Variants in SERGEF observed in about 807,000 individuals in gnomAD.
SERGEF encodes secretion-regulating guanine nucleotide exchange factor.
Under a neutral mutation model 50.0 loss-of-function variants are expected in SERGEF, and 51 were observed. The ratio of observed to expected loss-of-function variants is 1.02; its 90% confidence interval spans 0.81 to 1.29. The LOEUF is 1.29. Among genes scored for constraint, SERGEF ranks in the 50% most tolerant of loss-of-function variants. SERGEF has a pLI of 0.00. For missense variants in SERGEF, 521 were observed against 557.0 expected, an observed-to-expected ratio of 0.94 and a Z score of 0.65; for synonymous variants, 205 against 212.4, an observed-to-expected ratio of 0.97 and a Z score of 0.30.
intron 10 of SERGEF, among the ~76,000 whole-genome samples, chr11:17,871,338 G>A (rs758180617): frequency 6.6e-6 from 1 of 151,988 alleles, no homozygotes; most frequent in Non-Finnish European, 1.5e-5. Flanking sequence ...GCAGGCGCCT[G>A]TAGTCCCAGC....
At chr11:17,896,886 GGGAAGGGAAGGGAAGGGAA>G in intron 9 of SERGEF, among the ~76,000 whole-genome samples, 1 of 28,858 alleles carries the variant, frequency 3.5e-5, no homozygotes, top group Non-Finnish European at 7.3e-5. Context: ...GGGAAGGGAA[GGGAAGGGAAGGGAAGGGAA>G]GGGAAGGGAA....
At chr11:17,837,360 C>A (rs1220075094) in intron 10 of SERGEF, among the ~76,000 whole-genome samples, 1 of 151,946 alleles carries the variant, frequency 6.6e-6, no homozygotes, top group Non-Finnish European at 1.5e-5. Flanking sequence ...ATTGGAGGTA[C>A]AGGCCTGAAG....
At chr11:17,814,172 CTAGTG>C (rs770414664) in intron 10 of SERGEF, among the ~76,000 whole-genome samples, 2 of 152,174 alleles carry the variant, frequency 1.3e-5, no homozygotes, top group African/African-American at 2.4e-5. Context: ...TGATCAAACA[CTAGTG>C]TAGATGTTTC....
intron 9 of SERGEF, among the ~76,000 whole-genome samples, chr11:17,912,082 C>T (rs1851965478): frequency 6.6e-6 from 1 of 151,872 alleles, no homozygotes. Context: ...AGACCCTATC[C>T]AAGAGGGAGA....
At chr11:17,925,422 A>T (rs1162422643) in intron 9 of SERGEF, among the ~76,000 whole-genome samples, 1 of 152,206 alleles carries the variant, frequency 6.6e-6, no homozygotes, top group Non-Finnish European at 1.5e-5. Flanking sequence ...TCTGGAGGGC[A>T]AAGGAAGGAA....
chr11:17,981,628 A>C (rs771458887), intron 8 of SERGEF, among the ~76,000 whole-genome samples: 9 of 152,160 alleles, frequency 5.9e-5, no homozygotes, highest in Non-Finnish European at 1.3e-4. Context: ...GTGGTCCGTG[A>C]GAGTTATGAT....
chr11:17,955,687 T>C (rs1386157397), intron 9 of SERGEF, among the ~76,000 whole-genome samples: 1 of 152,136 alleles, frequency 6.6e-6, no homozygotes, highest in East Asian at 1.9e-4. Context: ...AGGAGCACTC[T>C]CTTGAGGTCC....
At chr11:17,911,939 A>T (rs946380011) in intron 9 of SERGEF, among the ~76,000 whole-genome samples, 6 of 152,028 alleles carry the variant, frequency 3.9e-5, no homozygotes, top group African/African-American at 1.2e-4. Context: ...TTTGGAGTTT[A>T]AAAAAATGAC....
chr11:17,802,161 G>C (rs530906849), intron 10 of SERGEF, among the ~76,000 whole-genome samples: 193 of 152,266 alleles, frequency 1.3e-3, no homozygotes, highest in African/African-American at 4.6e-3. Flanking sequence ...CAGGAGCAGT[G>C]GCATTCCCAG....
At chr11:17,935,437 C>A (rs946236458) in intron 9 of SERGEF, among the ~76,000 whole-genome samples, 13 of 152,020 alleles carry the variant, frequency 8.6e-5, no homozygotes, top group Non-Finnish European at 1.3e-4. Flanking sequence ...CCACTGTATT[C>A]CAGCCTGGGA....
At chr11:17,899,512 G>A (rs1286205055) in intron 9 of SERGEF, among the ~76,000 whole-genome samples, 2 of 152,182 alleles carry the variant, frequency 1.3e-5, no homozygotes, top group African/African-American at 2.4e-5. Flanking sequence ...CACCAAAGGT[G>A]TACCTATTAA....
At chr11:17,909,559 T>C (rs1361989694) in intron 9 of SERGEF, among the ~76,000 whole-genome samples, 1 of 152,210 alleles carries the variant, frequency 6.6e-6, no homozygotes, top group African/African-American at 2.4e-5. Context: ...CACAGAATAA[T>C]GTGTTATTTT....
At chr11:17,848,484 G>C (rs1638576104) in intron 10 of SERGEF, among the ~76,000 whole-genome samples, 1 of 152,218 alleles carries the variant, frequency 6.6e-6, no homozygotes, top group South Asian at 2.1e-4. Context: ...GTGAACATCT[G>C]GGTCTGGATC....
chr11:17,899,478 G>C (rs551274659), intron 9 of SERGEF, among the ~76,000 whole-genome samples: 2 of 150,480 alleles, frequency 1.3e-5, no homozygotes, highest in South Asian at 2.1e-4. Flanking sequence ...GGCTTAGAGA[G>C]TCTCAGTGAT....
intron 9 of SERGEF, among the ~76,000 whole-genome samples, chr11:17,900,881 G>C (rs1851737170): frequency 6.6e-6 from 1 of 152,182 alleles, no homozygotes; most frequent in Non-Finnish European, 1.5e-5. Context: ...GGAGCCAAAA[G>C]TTTGCTTAAT....
chr11:17,851,095 C>T (rs993021291), intron 10 of SERGEF, among the ~76,000 whole-genome samples: 2 of 152,212 alleles, frequency 1.3e-5, no homozygotes, highest in East Asian at 3.8e-4. Flanking sequence ...AGTATTTCCT[C>T]TGCTGTGAAA....
chr11:17,868,986 G>A (rs1851083471), intron 10 of SERGEF, among the ~76,000 whole-genome samples: 2 of 152,084 alleles, frequency 1.3e-5, no homozygotes, highest in South Asian at 4.2e-4. Flanking sequence ...AACCATATCA[G>A]CCATGTTGAC....
At chr11:17,974,861 A>G (rs752045677) in intron 8 of SERGEF, among the ~76,000 whole-genome samples, 1 of 152,202 alleles carries the variant, frequency 6.6e-6, no homozygotes, top group African/African-American at 2.4e-5. Flanking sequence ...TTAGCATTCT[A>G]AAAAAGGACA....
At position 17,998,016 on chromosome 11, in the gene SERGEF, C is replaced by A. The variant is rs181938943; in HGVS notation, c.509-2107G>T. Reference sequence around the variant, plus strand: ...ACTTAAAAATGGTTAAGATAATAAACTGTAAACTACGTATATTTTACCATG... The same window carrying A: ...ACTTAAAAATGGTTAAGATAATAAAATGTAAACTACGTATATTTTACCATG... On this transcript the variant is annotated intron_variant, in intron 5 of 10. Coordinates refer to ENST00000265965, the MANE Select transcript of SERGEF (RefSeq NM_012139.4). 3.4e-3 allele frequency among the ~76,000 whole-genome samples: 524 copies of A among 152,094 alleles called. 2 individuals are homozygous for A. The highest frequency in any genetic ancestry group is 5.3e-3 in the Non-Finnish European group (362 of 67,998).
Sources: allele counts gnomAD v4.1 joint callset (sites outside exome capture counted in the v4.1 genomes callset), GRCh38; gene constraint gnomAD v4.1.1; transcripts MANE v1.5; gene names NCBI Gene and HGNC (gene_info 2026-07-23, HGNC 2026-07-21).